The following BCAR3 variants were observed in gnomAD, a reference collection of about 807,000 sequenced individuals.
BCAR3 encodes breast cancer anti-estrogen resistance protein 3.
Under a neutral mutation model 80.1 loss-of-function variants are expected in BCAR3, and 37 were observed. The ratio of observed to expected loss-of-function variants is 0.46; its 90% CI spans 0.36 to 0.61. The LOEUF (loss-of-function observed/expected upper bound fraction) is 0.61. Among genes scored for constraint, BCAR3 ranks in the 20% least tolerant of loss-of-function variants. The probability of loss-of-function intolerance (pLI) is 0.00; values close to 1 mark genes in which losing one functional copy is unlikely to be tolerated. For synonymous variants in BCAR3, 389 were observed against 418.9 expected (o/e 0.93, Z 0.87); for missense variants, 978 against 1,068.2 (o/e 0.92, Z 1.18).
intron 2 of BCAR3, among the ~76,000 whole-genome samples, chr1:93,660,899 G>A (rs1002701511): frequency 2.7e-5 from 4 of 146,372 alleles, no homozygotes; most frequent in East Asian, 2.0e-4. Context: ...TTTTTTAGAC[G>A]GAGTTTCACT....
intron 2 of BCAR3, among the ~76,000 whole-genome samples, chr1:93,760,498 G>A (rs376917542): frequency 6.6e-5 from 10 of 151,938 alleles, no homozygotes; most frequent in Non-Finnish European, 1.5e-4. Context: ...AGATATGAGA[G>A]ACATTATGGA....
chr1:93,823,728 G>A (rs1485123951), intron 2 of BCAR3, among the ~76,000 whole-genome samples: 1 of 134,340 alleles, frequency 7.4e-6, no homozygotes, highest in East Asian at 2.9e-4. Context: ...TTGAGACGGA[G>A]TCTCGCTCTG....
At chr1:93,612,066 A>T (rs1280753040) in intron 3 of BCAR3, among the ~76,000 whole-genome samples, 1 of 152,180 alleles carries the variant, frequency 6.6e-6, no homozygotes, top group African/African-American at 2.4e-5. Flanking sequence ...GAGTCAATAA[A>T]GCGACTCGGC....
chr1:93,642,511 C>G (rs1028807673), intron 2 of BCAR3, among the ~76,000 whole-genome samples, 168 bp from the exon 3 acceptor site: 19 of 152,228 alleles, frequency 1.2e-4, no homozygotes, highest in Admixed American at 1.1e-3. Context: ...GAGATACCAC[C>G]ATGACCTCAG....
At position 93,731,300 on chromosome 1, in the gene BCAR3, G is replaced by C. The variant is rs1367821747; in HGVS notation, c.-62-25158C>G. Among the ~76,000 whole-genome samples, 3 of 152,168 alleles carry C rather than the reference G, an allele frequency of 2.0e-5. No individual in the cohort carries two copies. In the East Asian group the frequency reaches 5.8e-4, roughly 29 times the overall value. On this transcript the variant is annotated intron_variant, in intron 2 of 13. Coordinates refer to the BCAR3 transcript ENST00000370244. Reference sequence around the variant, plus strand: ...CTTACTAGTATAATGTACCAGTATTGGTTTCTTAATTGTGACAAATATTCC... The same window carrying C: ...CTTACTAGTATAATGTACCAGTATTCGTTTCTTAATTGTGACAAATATTCC...
chr1:93,743,776 G>A (rs1273164094), intron 2 of BCAR3, among the ~76,000 whole-genome samples: 1 of 152,142 alleles, frequency 6.6e-6, no homozygotes, highest in Non-Finnish European at 1.5e-5. Context: ...AATGTAAATA[G>A]GTATTTATTT....
Position 93,674,624 on chromosome 1 carries a change from A to T in BCAR3, c.307T>A (p.Phe103Ile). The T allele has an allele frequency of 6.2e-7, 1 of 1,612,648 alleles. No individual in the cohort carries two copies. The change falls in exon 2 of 12, where the codon TTC becomes ATC. Residue 103 changes from phenylalanine to isoleucine, a missense_variant. Transcript: ENST00000260502. ...SPWQDRHGET[F>I]TFRDPHLLDP... ...AATTACAGAAGTTACCTGAAGGTGA[A>T]GGTTTCGCCGTGCCGGTCCTGCCAT...
chr1:93,810,037 T>C (rs1458399483), intron 2 of BCAR3, among the ~76,000 whole-genome samples: 4 of 149,532 alleles, frequency 2.7e-5, no homozygotes, highest in African/African-American at 9.9e-5. Context: ...TAAAAAAAAA[T>C]ACAAAAATTA....
At chr1:93,562,696 G>A (rs940314808) in intron 11 of BCAR3, among the ~76,000 whole-genome samples, 3 of 149,590 alleles carry the variant, frequency 2.0e-5, no homozygotes, top group East Asian at 3.9e-4. Context: ...GCGTGAACCC[G>A]GGAGGTGGAG....
intron 3 of BCAR3, chr1:93,605,311 A>T (rs569703829): frequency 6.6e-6 from 1 of 152,388 alleles, no homozygotes; most frequent in South Asian, 2.1e-4. Flanking sequence ...GCTAAACACC[A>T]GTCCAACCTA....
At chr1:93,571,235 A>G (rs190588716) in intron 9 of BCAR3, among the ~76,000 whole-genome samples, 224 of 151,170 alleles carry the variant, frequency 1.5e-3, no homozygotes, top group Non-Finnish European at 2.6e-3. Flanking sequence ...CAGTCCAGGT[A>G]CAGTGGCTCA....
At chr1:93,734,127 C>T (rs1650897765) in intron 2 of BCAR3, among the ~76,000 whole-genome samples, 1 of 152,180 alleles carries the variant, frequency 6.6e-6, no homozygotes, top group Non-Finnish European at 1.5e-5. Context: ...AGATGGAGTT[C>T]CAGGTGTCTT....
At chr1:93,660,053 C>CGTGTGT (rs76729025) in intron 2 of BCAR3, among the ~76,000 whole-genome samples, 3,522 of 147,312 alleles carry the variant, frequency 0.024, 51 homozygotes, top group African/African-American at 0.033. Flanking sequence ...AATAAATGAA[C>CGTGTGT]GTGTGTGTGT....
intron 2 of BCAR3, among the ~76,000 whole-genome samples, chr1:93,783,666 C>T (rs150268100): frequency 2.0e-4 from 31 of 152,252 alleles, no homozygotes; most frequent in African/African-American, 7.2e-4. Context: ...AAAACATATT[C>T]AGTATGGATG....
intron 2 of BCAR3, among the ~76,000 whole-genome samples, chr1:93,662,310 T>C (rs1471413294): frequency 6.6e-6 from 1 of 152,252 alleles, no homozygotes; most frequent in African/African-American, 2.4e-5. Context: ...TCTCCAGATC[T>C]TGAAATATTT....
At chr1:93,760,730 C>A (rs17110394) in intron 2 of BCAR3, among the ~76,000 whole-genome samples, 27,125 of 152,102 alleles carry the variant, frequency 0.18, 3,493 homozygotes, top group African/African-American at 0.36. Flanking sequence ...GTGTTCTAGG[C>A]AGCCCCAGAC....
intron 3 of BCAR3, among the ~76,000 whole-genome samples, chr1:93,594,017 C>A (rs556492034): frequency 2.6e-5 from 4 of 152,274 alleles, no homozygotes; most frequent in East Asian, 1.9e-4. Context: ...TGACACCGTC[C>A]GCTCCCATCA....
chr1:93,722,564 T>C (rs1650441305), intron 2 of BCAR3, among the ~76,000 whole-genome samples: 2 of 152,110 alleles, frequency 1.3e-5, no homozygotes, highest in Admixed American at 6.6e-5. Context: ...CTGGGAGCCA[T>C]TGTCTGAACA....
chr1:93,645,058 C>T (rs1300252793), intron 2 of BCAR3, among the ~76,000 whole-genome samples: 1 of 152,262 alleles, frequency 6.6e-6, no homozygotes, highest in African/African-American at 2.4e-5. Flanking sequence ...GTTTTTTCAG[C>T]TCTGAAGAGA....
Sources: gnomAD v4.1 joint callset for allele counts (sites outside exome capture counted in the v4.1 genomes callset) on GRCh38, gnomAD v4.1.1 for gene constraint, MANE v1.5 for transcripts, NCBI Gene and HGNC (gene_info 2026-07-23, HGNC 2026-07-21) for gene names.